Variants in SHISA9 observed in about 807,000 individuals in gnomAD.
SHISA9 encodes protein shisa-9.
Under a neutral mutation model 38.0 loss-of-function variants are expected in SHISA9, and 13 were observed. That is an observed-to-expected ratio of 0.34 (90% CI 0.22 to 0.54). SHISA9 has a LOEUF of 0.54. Ranked by LOEUF, SHISA9 falls within the 20% of genes least tolerant of loss-of-function variation. The probability of loss-of-function intolerance (pLI) is 0.91; values close to 1 mark genes in which losing one functional copy is unlikely to be tolerated. For synonymous variants in SHISA9, 275 were observed against 242.0 expected (o/e 1.14, Z -1.27); for missense variants, 538 against 575.8 (o/e 0.93, Z 0.67).
chr16:13,266,390 G>T, the SHISA9 span, among the ~76,000 whole-genome samples: 11 of 152,004 alleles, frequency 7.2e-5, no homozygotes, highest in African/African-American at 2.6e-4. Context: ...CCCAGTCTAG[G>T]ACTAAGATGA....
chr16:13,070,972 C>G lies in SHISA9; in HGVS notation c.692-132422C>G, dbSNP rs150039486. On this transcript the variant is annotated intron_variant, in intron 2 of 4. Transcript: ENST00000558583. Reference sequence around the variant, plus strand: ...TCTCTTGCTTTCCTCCACTCTTATCCTTGACCTGCCTGGTTCTTCTCTCTC... The same window carrying G: ...TCTCTTGCTTTCCTCCACTCTTATCGTTGACCTGCCTGGTTCTTCTCTCTC... 2.3e-4 allele frequency among the ~76,000 whole-genome samples: 35 copies of G among 152,280 alleles called. 1 individual carries two copies. The highest frequency in any genetic ancestry group is 3.4e-4 in the Non-Finnish European group (23 of 68,012).
chr16:13,465,261 G>A, the SHISA9 span, among the ~76,000 whole-genome samples: 3 of 152,212 alleles, frequency 2.0e-5, no homozygotes, highest in Admixed American at 2.0e-4. Flanking sequence ...GGCATTGCCA[G>A]ATGTGTTTTG....
the SHISA9 span, among the ~76,000 whole-genome samples, chr16:13,315,104 A>AGAT: frequency 6.6e-6 from 1 of 152,134 alleles, no homozygotes; most frequent in Non-Finnish European, 1.5e-5. Context: ...TTGGCATCTC[A>AGAT]GATGCAGCAA....
intron 2 of SHISA9, among the ~76,000 whole-genome samples, chr16:12,979,685 CACTT>C (rs565326837): frequency 2.4e-3 from 367 of 151,892 alleles, no homozygotes; most frequent in African/African-American, 6.5e-3. Context: ...TTTTTTTCCT[CACTT>C]ACTAAGATTT....
chr16:13,467,435 T>C, the SHISA9 span, among the ~76,000 whole-genome samples: 1 of 152,204 alleles, frequency 6.6e-6, no homozygotes, highest in East Asian at 1.9e-4. Flanking sequence ...CTAGGGCATT[T>C]AGACTCAGAC....
At chr16:13,049,807 C>T (rs2073230043) in intron 2 of SHISA9, among the ~76,000 whole-genome samples, 1 of 151,976 alleles carries the variant, frequency 6.6e-6, no homozygotes, top group Non-Finnish European at 1.5e-5. Flanking sequence ...ATGATTCTCA[C>T]CTCCTGAAAT....
the SHISA9 span, among the ~76,000 whole-genome samples, chr16:13,253,383 A>G: frequency 6.6e-6 from 1 of 152,182 alleles, no homozygotes; most frequent in Non-Finnish European, 1.5e-5. Flanking sequence ...CCAAAGGTAC[A>G]AGGGAGATGG....
At chr16:12,962,747 T>C (rs919903863) in intron 2 of SHISA9, among the ~76,000 whole-genome samples, 4 of 152,232 alleles carry the variant, frequency 2.6e-5, no homozygotes, top group African/African-American at 7.2e-5. Flanking sequence ...TATTGTGTTA[T>C]GGTGGCCCAA....
At chr16:13,433,832 C>T in the SHISA9 span, among the ~76,000 whole-genome samples, 1 of 152,182 alleles carries the variant, frequency 6.6e-6, no homozygotes, top group East Asian at 1.9e-4. Context: ...TGTGCTTTGG[C>T]TTTGACCATC....
chr16:13,080,929 C>T (rs897507451), intron 2 of SHISA9, among the ~76,000 whole-genome samples: 2 of 152,148 alleles, frequency 1.3e-5, no homozygotes, highest in Non-Finnish European at 2.9e-5. Flanking sequence ...GTGGCTTTGT[C>T]ACTGTATCCT....
chr16:13,024,746 G>A (rs776065545), intron 2 of SHISA9, among the ~76,000 whole-genome samples: 10 of 152,290 alleles, frequency 6.6e-5, no homozygotes, highest in African/African-American at 1.2e-4. Flanking sequence ...TTTCCACAGA[G>A]CTTCCACATA....
At chr16:12,998,133 A>G (rs2072481159) in intron 2 of SHISA9, among the ~76,000 whole-genome samples, 1 of 152,148 alleles carries the variant, frequency 6.6e-6, no homozygotes, top group Admixed American at 6.5e-5. Flanking sequence ...CAAATATAAT[A>G]TTTTCTTAGA....
At chr16:13,275,266 G>A in the SHISA9 span, among the ~76,000 whole-genome samples, 1 of 151,968 alleles carries the variant, frequency 6.6e-6, no homozygotes, top group African/African-American at 2.4e-5. Context: ...ATGTAATTGA[G>A]ATTGCACTGC....
chr16:13,512,524 C>CA, the SHISA9 span, among the ~76,000 whole-genome samples: 8 of 151,360 alleles, frequency 5.3e-5, no homozygotes, highest in South Asian at 4.2e-4. Flanking sequence ...CATATGGAAC[C>CA]AAAAAAAAGA....
intron 2 of SHISA9, among the ~76,000 whole-genome samples, chr16:13,126,101 TA>T (rs1040319096): frequency 1.3e-5 from 2 of 152,220 alleles, no homozygotes; most frequent in African/African-American, 4.8e-5. Context: ...CTTAGTTTCT[TA>T]TAGCCTATTG....
the SHISA9 span, among the ~76,000 whole-genome samples, chr16:13,529,813 G>A: frequency 1.3e-5 from 2 of 152,118 alleles, no homozygotes; most frequent in Non-Finnish European, 1.5e-5. Context: ...AGGCAGTGCC[G>A]TTCCCTGGTA....
chr16:13,110,193 A>G (rs2073964075), intron 2 of SHISA9, among the ~76,000 whole-genome samples: 1 of 152,198 alleles, frequency 6.6e-6, no homozygotes, highest in African/African-American at 2.4e-5. Context: ...GATATTTGCA[A>G]TGGAATGTTC....
intron 2 of SHISA9, among the ~76,000 whole-genome samples, chr16:13,120,059 G>A (rs944152867): frequency 6.6e-6 from 1 of 152,142 alleles, no homozygotes; most frequent in Non-Finnish European, 1.5e-5. Flanking sequence ...GGTGATCAGA[G>A]CTGGCATAAC....
the SHISA9 span, among the ~76,000 whole-genome samples, chr16:13,420,273 A>AAAAAT: frequency 6.8e-6 from 1 of 146,870 alleles, no homozygotes; most frequent in African/African-American, 2.5e-5. Context: ...AAAAAAAAAA[A>AAAAAT]GGTTTTTTGC....
Sources: gnomAD v4.1 joint callset for allele counts (sites outside exome capture counted in the v4.1 genomes callset) on GRCh38, gnomAD v4.1.1 for gene constraint, MANE v1.5 for transcripts, NCBI Gene and HGNC (gene_info 2026-07-23, HGNC 2026-07-21) for gene names.